The following UBA6 variants were observed in gnomAD, a reference collection of about 807,000 sequenced individuals.
UBA6 encodes the protein ubiquitin-like modifier-activating enzyme 6.
Under a neutral mutation model 148.3 loss-of-function variants are expected in UBA6, and 87 were observed. The ratio of observed to expected loss-of-function variants is 0.59; its 90% CI spans 0.49 to 0.70. UBA6 has a LOEUF of 0.70. Among genes scored for constraint, UBA6 ranks in the 30% least tolerant of loss-of-function variants. UBA6 has a pLI of 0.00. For synonymous variants in UBA6, 376 were observed against 401.0 expected, an observed-to-expected ratio of 0.94 and a Z score of 0.75; for missense variants, 1,186 against 1,241.2, an observed-to-expected ratio of 0.96 and a Z score of 0.67.
chr4:67,626,464 T>C lies in UBA6; in HGVS notation c.2414A>G (p.Asp805Gly). ...ATGGTCTGGTTTCCTTGCAGTTTCATCTGTTTGAACAACCTTTGAATATAT... is the reference window on the plus strand; with the variant it reads ...ATGGTCTGGTTTCCTTGCAGTTTCACCTGTTTGAACAACCTTTGAATATAT... ...FKPSNKVVQT[D>G]ETARKPDHVP... Residue 805 changes from aspartate to glycine, a missense_variant, in exon 28 of 33, where the codon GAT (aspartate) becomes GGT (glycine). Transcript: ENST00000322244. The C allele has an allele frequency of 6.2e-7, 1 of 1,607,046 alleles. No individual in the cohort carries two copies. Among genetic ancestry groups the C allele is most frequent in the African/African-American group, 1.3e-5 (1 of 74,846 alleles).
chr4:67,625,938 T>G (rs546594769), intron 28 of UBA6, among the ~76,000 whole-genome samples: 3 of 152,066 alleles, frequency 2.0e-5, no homozygotes, highest in Non-Finnish European at 4.4e-5. Flanking sequence ...ACTAAGAACC[T>G]AAGAATATTT....
At chr4:67,696,315 T>C (rs1265917990) in intron 2 of UBA6, among the ~76,000 whole-genome samples, 4 of 151,998 alleles carry the variant, frequency 2.6e-5, no homozygotes, top group African/African-American at 9.7e-5. Context: ...ACAACTGAGA[T>C]TTAAATATTA....
rs1447710126 is a variant in UBA6, at chr4:67,677,494, T to A, written c.465+117A>T. The stretch of plus-strand genomic sequence containing the variant: ...TTTTATTCTAATATGTCTTCTACCT[T>A]GAAATTTTTTTGTTCTGTTTCTCAA... On this transcript the variant is annotated intron_variant, in intron 6 of 32. Coordinates refer to ENST00000322244, the MANE Select transcript of UBA6 (RefSeq NM_018227.6). 5 of 492,842 alleles carry A rather than the reference T, an allele frequency of 1.0e-5. 1 individual carries two copies. The highest frequency in any genetic ancestry group is 1.8e-5 in the Non-Finnish European group (5 of 280,754). The allele number at this position is 492,842 out of a possible 1,614,324, so 30.5% of individuals were successfully genotyped here. A position where few individuals can be genotyped will look rare whatever the true frequency, so the allele number is the denominator to read the frequency against.
At chr4:67,654,261 GA>G (rs1246494746) in intron 13 of UBA6, among the ~76,000 whole-genome samples, 1 of 152,086 alleles carries the variant, frequency 6.6e-6, no homozygotes, top group Non-Finnish European at 1.5e-5. Context: ...TAAAATGAAG[GA>G]AAAAATGTTA....
intron 1 of UBA6, among the ~76,000 whole-genome samples, chr4:67,697,767 C>T (rs568677779): frequency 7.9e-5 from 12 of 152,324 alleles, no homozygotes; most frequent in Admixed American, 3.3e-4. Flanking sequence ...ACCATCATCA[C>T]ATTTCACCTG....
At chr4:67,658,415 G>A (rs981192525) in intron 13 of UBA6, among the ~76,000 whole-genome samples, 1 of 152,002 alleles carries the variant, frequency 6.6e-6, no homozygotes, top group Non-Finnish European at 1.5e-5. Context: ...ATCAAGTGAT[G>A]TAAAAACAAA....
intron 13 of UBA6, among the ~76,000 whole-genome samples, chr4:67,659,520 C>T (rs941115213): frequency 2.0e-5 from 3 of 147,494 alleles, no homozygotes; most frequent in South Asian, 2.1e-4. Flanking sequence ...GTGCCTTCTG[C>T]CATGATGGTA....
chr4:67,700,172 A>C (rs1014557444), intron 1 of UBA6, among the ~76,000 whole-genome samples: 1 of 152,252 alleles, frequency 6.6e-6, no homozygotes, highest in African/African-American at 2.4e-5. Context: ...GTTATATTAC[A>C]TAATATCCCT....
At chr4:67,633,545 T>C in intron 22 of UBA6, 72 bp from the exon 23 acceptor site, 1 of 1,382,184 alleles carries the variant, frequency 7.2e-7, no homozygotes, top group Non-Finnish European at 9.5e-7. Flanking sequence ...CACCAAAAGT[T>C]AGCCTAAGTT....
At chr4:67,656,315 CA>C (rs1439367958) in intron 13 of UBA6, among the ~76,000 whole-genome samples, 1 of 152,224 alleles carries the variant, frequency 6.6e-6, no homozygotes, top group African/African-American at 2.4e-5. Context: ...AGCAGCACAT[CA>C]AAAAGCTTAT....
chr4:67,668,680 A>T lies in UBA6; in HGVS notation c.670-6T>A, dbSNP rs1219347277. On this transcript the variant is annotated splice_region_variant and splice_polypyrimidine_tract_variant and intron_variant, in intron 8 of 32. Transcript: ENST00000322244. ...GTAACAATGCCAGGATTTGCCTAAA[A>T]ATAAGAGTAATCTATTAAAAAAGAA... is the stretch of plus-strand genomic sequence containing the variant. 2 of 1,610,074 alleles carry T rather than the reference A, an allele frequency of 1.2e-6. No individual in the cohort carries two copies. The highest frequency in any genetic ancestry group is 2.7e-5 in the African/African-American group (2 of 74,812).
intron 2 of UBA6, among the ~76,000 whole-genome samples, chr4:67,688,653 G>C (rs1355424281): frequency 6.6e-6 from 1 of 152,022 alleles, no homozygotes. Context: ...AGATTCAGTA[G>C]TAATAAGAAA....
intron 23 of UBA6, 39 bp downstream of exon 23, chr4:67,633,306 G>A: frequency 6.6e-7 from 1 of 1,523,774 alleles, no homozygotes; most frequent in Non-Finnish European, 8.8e-7. Context: ...AATAAGCCAA[G>A]ATCAGACCTT....
chr4:67,670,379 T>G (rs550748063), intron 8 of UBA6, 91 bp downstream of exon 8: 9 of 1,134,852 alleles, frequency 7.9e-6, no homozygotes, highest in Non-Finnish European at 1.2e-5. Context: ...TTTTGCACAC[T>G]GCAATACTTT....
intron 6 of UBA6, 101 bp from the exon 7 acceptor site, chr4:67,673,878 A>G: frequency 3.0e-6 from 2 of 658,156 alleles, no homozygotes; most frequent in Non-Finnish European, 5.0e-6. Flanking sequence ...CTAAAGACAC[A>G]TCGCTAATCT....
chr4:67,677,568 C>A, intron 6 of UBA6, 43 bp downstream of exon 6: 1 of 1,059,452 alleles, frequency 9.4e-7, no homozygotes, highest in South Asian at 1.5e-5. Flanking sequence ...CAATTTTGCC[C>A]TGGAACCTGT....
rs958372500 is a variant in UBA6, at chr4:67,617,439, C to T, written c.*1558G>A. 2 of 151,984 alleles carry T rather than the reference C, an allele frequency of 1.3e-5. No individual in the cohort carries two copies. The highest frequency in any genetic ancestry group is 4.8e-5 in the African/African-American group (2 of 41,422). 9.4% of individuals were successfully genotyped at this position (151,984 alleles called of 1,614,324 possible). A position where few individuals can be genotyped will look rare whatever the true frequency, so the allele number is the denominator to read the frequency against. On this transcript the variant is annotated 3_prime_UTR_variant, in exon 33 of 33. Transcript: ENST00000322244. The stretch of plus-strand genomic sequence containing the variant: ...AGGATATGTGAACAAAATTTAATTT[C>T]TTTTTTCCAAAGGTAGTCATTTTCT...
In UBA6 at chr4:67,619,497, G is replaced by A. The variant is rs542682037; in HGVS notation, c.3024-365C>T. 5.3e-5 allele frequency among the ~76,000 whole-genome samples: 8 copies of A among 152,236 alleles called. No homozygotes were observed. The East Asian group carries it at 5.8e-4, about 11-fold the overall frequency. The stretch of plus-strand genomic sequence containing the variant: ...TTGAGACCAGCCTGGCCCACATGGC[G>A]AAACCCCATCTCTGCTAAAAATACA... On this transcript the variant is annotated intron_variant, in intron 32 of 32. Coordinates refer to ENST00000322244, the MANE Select transcript of UBA6 (RefSeq NM_018227.6).
At chr4:67,671,061 G>C (rs935798123) in intron 7 of UBA6, among the ~76,000 whole-genome samples, 1 of 152,054 alleles carries the variant, frequency 6.6e-6, no homozygotes, top group Non-Finnish European at 1.5e-5. Flanking sequence ...GAAAAAAAAG[G>C]CTGAAAAACT....
Sources: gnomAD v4.1 joint callset for allele counts (sites outside exome capture counted in the v4.1 genomes callset) on GRCh38, gnomAD v4.1.1 for gene constraint, MANE v1.5 for transcripts, NCBI Gene and HGNC (gene_info 2026-07-23, HGNC 2026-07-21) for gene names.